PRDM5: variants seen among roughly 807,000 people sequenced by gnomAD.
PRDM5 encodes PR domain zinc finger protein 5.
A neutral mutation model predicts 81.2 loss-of-function variants in PRDM5; 56 were observed. The ratio of observed to expected loss-of-function variants is 0.69; its 90% CI spans 0.56 to 0.86. The LOEUF is 0.86. Among genes scored for constraint, PRDM5 ranks in the 40% least tolerant of loss-of-function variants. PRDM5 has a pLI of 0.00. For synonymous variants in PRDM5, 267 were observed against 256.4 expected (o/e 1.04, Z -0.39); for missense variants, 697 against 770.1 (o/e 0.91, Z 1.12).
chr4:120,755,343 C>T (rs1744578341), intron 13 of PRDM5, among the ~76,000 whole-genome samples: 1 of 152,096 alleles, frequency 6.6e-6, no homozygotes, highest in South Asian at 2.1e-4. Flanking sequence ...CTGAAGATGC[C>T]CTCTTGTCAA....
chr4:120,797,110 CAG>C (rs1468842324), intron 10 of PRDM5, among the ~76,000 whole-genome samples: 1 of 151,982 alleles, frequency 6.6e-6, no homozygotes, highest in African/African-American at 2.4e-5. Flanking sequence ...CCAAAATCAA[CAG>C]AAGAAACTAG....
Position 120,785,066 on chromosome 4 carries a change from T to C in PRDM5, c.1214A>G (p.Gln405Arg), listed in dbSNP as rs1724619878. 6.2e-7 allele frequency: 1 copy of C among 1,611,626 alleles called. No individual in the cohort carries two copies. Among genetic ancestry groups the C allele is most frequent in the Non-Finnish European group, 8.5e-7 (1 of 1,178,022 alleles). ...KKTHSEERPF[Q>R]CEECKALFRT... ...GAACAAAGCTTTACATTCTTCACAT[T>C]GGAACGGTCTCTCCTCAGAGTGGGT... Residue 405 changes from glutamine (Q) to arginine (R), a missense_variant, in exon 11 of 16, where the codon CAA (glutamine) becomes CGA (arginine). This residue lies in a region of PRDM5 where 577 missense variants were observed against 606.7 expected (regional missense o/e 0.95). Coordinates refer to ENST00000264808, the MANE Select transcript of PRDM5 (RefSeq NM_018699.4).
chr4:120,701,484 G>C (rs958670363), intron 15 of PRDM5, among the ~76,000 whole-genome samples: 5 of 152,110 alleles, frequency 3.3e-5, no homozygotes, highest in Non-Finnish European at 7.3e-5. Flanking sequence ...ATACACCATG[G>C]AATACTATGC....
At chr4:120,702,069 G>C (rs13143781) in intron 15 of PRDM5, among the ~76,000 whole-genome samples, 127,966 of 152,044 alleles carry the variant, frequency 0.84, 54,338 homozygotes, top group East Asian at 0.91. Context: ...TTTTGCATAG[G>C]GGCAAGCATG....
intron 3 of PRDM5, among the ~76,000 whole-genome samples, chr4:120,824,312 T>A (rs904554150): frequency 6.6e-6 from 1 of 152,214 alleles, no homozygotes; most frequent in African/African-American, 2.4e-5. Flanking sequence ...TTCTCCTTAC[T>A]ATATCTATCA....
chr4:120,769,157 G>A (rs972626713), intron 13 of PRDM5, among the ~76,000 whole-genome samples: 1 of 152,186 alleles, frequency 6.6e-6, no homozygotes, highest in African/African-American at 2.4e-5. Flanking sequence ...TACAGGTAAT[G>A]CAACCCACTT....
chr4:120,882,834 C>T lies in PRDM5; in HGVS notation c.177+24640G>A, dbSNP rs1441987134. Among the ~76,000 whole-genome samples the T allele has an allele frequency of 3.9e-5, 6 of 152,148 alleles. No homozygotes were observed. The East Asian group carries it at 5.8e-4, about 15-fold the overall frequency. On this transcript the variant is annotated intron_variant, in intron 2 of 15. Coordinates refer to ENST00000264808, the MANE Select transcript of PRDM5 (RefSeq NM_018699.4). The stretch of plus-strand genomic sequence containing the variant: ...GTGATAGATATAATTTTCAAAACAA[C>T]GTACGTGCCTCATACACACCCTACA...
At chr4:120,721,188 T>C (rs1169697130) in intron 14 of PRDM5, among the ~76,000 whole-genome samples, 1 of 152,220 alleles carries the variant, frequency 6.6e-6, no homozygotes, top group East Asian at 1.9e-4. Context: ...GCAGGGTGAC[T>C]CAAACTAGTC....
intron 13 of PRDM5, among the ~76,000 whole-genome samples, chr4:120,770,323 C>T (rs1747084140): frequency 6.6e-6 from 1 of 152,078 alleles, no homozygotes; most frequent in Non-Finnish European, 1.5e-5. Flanking sequence ...GCCACCGCAC[C>T]CGACCCCTAT....
chr4:120,922,644 C>G lies in PRDM5; in HGVS notation c.-36G>C, dbSNP rs762300448. On this transcript the variant is annotated 5_prime_UTR_variant, in exon 1 of 16. Transcript: ENST00000264808. ...GCGGCGGCCGCCGCCTCTCTCAACA[C>G]CGGCGCTTAGCGCCCGGCAGGCGGC... The G allele has an allele frequency of 1.5e-5, 23 of 1,576,326 alleles. No individual in the cohort carries two copies. The highest frequency in any genetic ancestry group is 1.6e-5 in the Non-Finnish European group (19 of 1,161,774).
intron 2 of PRDM5, among the ~76,000 whole-genome samples, chr4:120,873,965 T>C (rs1341039508): frequency 1.3e-5 from 2 of 152,176 alleles, no homozygotes; most frequent in Non-Finnish European, 1.5e-5. Context: ...TCCAGTTTTT[T>C]TATTTAATTG....
At chr4:120,875,821 A>G (rs1762282962) in intron 2 of PRDM5, among the ~76,000 whole-genome samples, 1 of 152,206 alleles carries the variant, frequency 6.6e-6, no homozygotes, top group Non-Finnish European at 1.5e-5. Context: ...TTTCACAGAA[A>G]AAAGCTGCTT....
chr4:120,732,559 C>T (rs991935555), intron 14 of PRDM5, among the ~76,000 whole-genome samples: 11 of 152,154 alleles, frequency 7.2e-5, no homozygotes, highest in Admixed American at 7.2e-4. Context: ...TAACTGATCT[C>T]TGAGGTTGTT....
At chr4:120,701,176 A>G (rs1022403976) in intron 15 of PRDM5, among the ~76,000 whole-genome samples, 4 of 151,956 alleles carry the variant, frequency 2.6e-5, no homozygotes, top group Non-Finnish European at 5.9e-5. Context: ...AAAAAAAACA[A>G]CAGATGCTGG....
intron 9 of PRDM5, 43 bp from the exon 10 acceptor site, chr4:120,798,467 G>A (rs748557418): frequency 6.8e-7 from 1 of 1,471,856 alleles, no homozygotes; most frequent in African/African-American, 1.4e-5. Context: ...TCTATATAAA[G>A]GTAAAGGATA....
chr4:120,872,840 G>C (rs1212826989), intron 2 of PRDM5, among the ~76,000 whole-genome samples: 1 of 152,102 alleles, frequency 6.6e-6, no homozygotes, highest in Non-Finnish European at 1.5e-5. Flanking sequence ...GTGGGGAGGT[G>C]AGATGTTTAA....
At chr4:120,767,947 C>T (rs568537181) in intron 13 of PRDM5, among the ~76,000 whole-genome samples, 14 of 152,290 alleles carry the variant, frequency 9.2e-5, no homozygotes, top group African/African-American at 3.1e-4. Flanking sequence ...GACTTTGCTC[C>T]TCCTTTGCCT....
chr4:120,744,763 AG>A (rs1742715530), intron 14 of PRDM5, among the ~76,000 whole-genome samples: 1 of 151,248 alleles, frequency 6.6e-6, no homozygotes, highest in African/African-American at 2.4e-5. Context: ...GACCAATAAC[AG>A]GATCTGAAAT....
chr4:120,754,054 C>T (rs1744373881), intron 14 of PRDM5, among the ~76,000 whole-genome samples: 1 of 152,156 alleles, frequency 6.6e-6, no homozygotes, highest in Non-Finnish European at 1.5e-5. Context: ...GAAGAATAAG[C>T]CACAGCACTA....
Sources: gnomAD v4.1 joint callset for allele counts (sites outside exome capture counted in the v4.1 genomes callset) on GRCh38, gnomAD v4.1.1 for gene constraint, gnomAD v4.1.1 regional missense constraint, MANE v1.5 for transcripts, NCBI Gene and HGNC (gene_info 2026-07-23, HGNC 2026-07-21) for gene names.